The following EHBP1 variants were observed in gnomAD, a reference collection of about 807,000 sequenced individuals.
EHBP1 encodes the protein EH domain binding protein 1.
In EHBP1, 55 loss-of-function variants were observed where a neutral mutation model predicts 144.0. That is an observed-to-expected ratio of 0.38 (90% CI 0.31 to 0.48). The LOEUF (loss-of-function observed/expected upper bound fraction) is 0.48, where lower values mean the gene tolerates loss of function less well. EHBP1 is among the 20% of genes least tolerant of loss of function. The pLI is 0.98. For missense variants in EHBP1, 1,200 were observed against 1,364.2 expected (o/e 0.88, Z 1.90); for synonymous variants, 469 against 472.7 (o/e 0.99, Z 0.10).
rs7588529 is a variant in EHBP1, at chr2:62,878,006, G to A, written c.1185+3474G>A. On this transcript the variant is annotated intron_variant, in intron 10 of 22. Coordinates refer to ENST00000431489, the MANE Select transcript of EHBP1 (RefSeq NM_001142616.3). Reference sequence around the variant, plus strand: ...AATCAGAGCTGAAGTCTATGAAATCGAGGCTTGAAAAACAGTACAAAAAAA... The same window carrying A: ...AATCAGAGCTGAAGTCTATGAAATCAAGGCTTGAAAAACAGTACAAAAAAA... 1.9e-4 allele frequency among the ~76,000 whole-genome samples: 29 copies of A among 152,230 alleles called. No individual in the cohort carries two copies. In the South Asian group the frequency reaches 4.8e-3, roughly 25 times the overall value.
chr2:62,714,668 T>G (rs150540559), intron 2 of EHBP1, among the ~76,000 whole-genome samples: 1 of 152,330 alleles, frequency 6.6e-6, no homozygotes, highest in East Asian at 1.9e-4. Context: ...CCCATTGTTG[T>G]TATTATTTTT....
chr2:62,975,835 G>A (rs1378488806), intron 14 of EHBP1, among the ~76,000 whole-genome samples: 5 of 150,954 alleles, frequency 3.3e-5, no homozygotes, highest in Non-Finnish European at 5.9e-5. Flanking sequence ...TCAAGGCTGC[G>A]GTGAGCTGTG....
intron 5 of EHBP1, among the ~76,000 whole-genome samples, chr2:62,801,619 T>C (rs1182109847): frequency 6.6e-6 from 1 of 152,248 alleles, no homozygotes; most frequent in Non-Finnish European, 1.5e-5. Flanking sequence ...TTAATTTTTT[T>C]ATACAACTCT....
chr2:62,721,766 G>C (rs2151934086), intron 2 of EHBP1, among the ~76,000 whole-genome samples: 1 of 151,986 alleles, frequency 6.6e-6, no homozygotes, highest in South Asian at 2.1e-4. Context: ...TATTTATTCA[G>C]TTATTTATTC....
chr2:62,713,928 G>T (rs978253925), intron 2 of EHBP1, among the ~76,000 whole-genome samples: 6 of 152,088 alleles, frequency 3.9e-5, no homozygotes, highest in African/African-American at 1.4e-4. Context: ...AAATTCAATT[G>T]TGGTGGGTTC....
intron 10 of EHBP1, among the ~76,000 whole-genome samples, chr2:62,886,944 T>A (rs2051980786): frequency 6.6e-6 from 1 of 152,214 alleles, no homozygotes; most frequent in Admixed American, 6.5e-5. Flanking sequence ...TTAGTTGGAA[T>A]TAGGATTTTC....
rs186823748 is a variant in EHBP1 at position 62,929,242 on chromosome 2, A to G, written c.1186-13476A>G. 2.8e-4 allele frequency among the ~76,000 whole-genome samples: 43 copies of G among 152,328 alleles called. No homozygotes were observed. The East Asian group carries it at 7.7e-3, about 27-fold the overall frequency. On this transcript the variant is annotated intron_variant, in intron 10 of 22. Coordinates refer to ENST00000431489, the MANE Select transcript of EHBP1 (RefSeq NM_001142616.3). ...CCTTACCTCATTATTTGAGGCCAGC[A>G]TTATCCTGATACCAAAGCCAGACAA... is the stretch of plus-strand genomic sequence containing the variant.
intron 19 of EHBP1, among the ~76,000 whole-genome samples, chr2:63,031,731 C>T (rs759458180): frequency 6.6e-6 from 1 of 152,108 alleles, no homozygotes; most frequent in Non-Finnish European, 1.5e-5. Context: ...CAGTGTGAGA[C>T]CAGCCTGGCC....
intron 1 of EHBP1, among the ~76,000 whole-genome samples, chr2:62,688,181 G>A (rs551838405): frequency 5.3e-5 from 8 of 152,198 alleles, no homozygotes; most frequent in Admixed American, 2.0e-4. Flanking sequence ...TGTAAAAATT[G>A]GATATTTCCA....
At chr2:62,956,527 C>T (rs993021484) in intron 14 of EHBP1, among the ~76,000 whole-genome samples, 1 of 152,030 alleles carries the variant, frequency 6.6e-6, no homozygotes, top group Admixed American at 6.6e-5. Flanking sequence ...CCCACCCTTC[C>T]TCTTTCAAGT....
intron 5 of EHBP1, among the ~76,000 whole-genome samples, chr2:62,776,101 G>A (rs1252612233): frequency 6.6e-6 from 1 of 152,120 alleles, no homozygotes; most frequent in Non-Finnish European, 1.5e-5. Context: ...ATTATAAAAT[G>A]GAATTCTAGA....
chr2:62,718,908 C>G (rs1420690516), intron 2 of EHBP1, among the ~76,000 whole-genome samples: 1 of 151,702 alleles, frequency 6.6e-6, no homozygotes, highest in Non-Finnish European at 1.5e-5. Context: ...CATTTAAAGA[C>G]AAGACTGGTT....
intron 10 of EHBP1, among the ~76,000 whole-genome samples, chr2:62,901,493 A>G (rs1220233863): frequency 1.3e-5 from 2 of 152,130 alleles, no homozygotes; most frequent in Non-Finnish European, 2.9e-5. Flanking sequence ...ACGATAATTT[A>G]GCTTCATTTG....
Position 62,955,593 on chromosome 2 carries a change from C to T in EHBP1, c.2393C>T (p.Ala798Val). The change falls in exon 14 of 23, where the codon GCC becomes GTC. Residue 798 changes from alanine (A) to valine (V), a missense_variant. Around this residue, in one of 6 missense-constraint regions of EHBP1, gnomAD observed 543 missense variants for 513.1 expected, o/e 1.06. Coordinates refer to ENST00000431489, the MANE Select transcript of EHBP1 (RefSeq NM_001142616.3). Reference protein sequence around the residue: ...VLLEQARRDAALKAGNKHNTN... With the variant: ...VLLEQARRDAVLKAGNKHNTN... ...CTTGAGCAAGCAAGAAGAGATGCAGCCTTAAAGGCGGGGAATAAGCACAAT... is the reference window on the plus strand; with the variant it reads ...CTTGAGCAAGCAAGAAGAGATGCAGTCTTAAAGGCGGGGAATAAGCACAAT... 1.2e-6 allele frequency: 2 copies of T among 1,612,558 alleles called. No individual in the cohort carries two copies. The highest frequency in any genetic ancestry group is 1.7e-5 in the Admixed American group (1 of 59,854).
At chr2:63,022,236 G>T (rs921207309) in intron 19 of EHBP1, among the ~76,000 whole-genome samples, 1 of 151,936 alleles carries the variant, frequency 6.6e-6, no homozygotes, top group African/African-American at 2.4e-5. Context: ...CACATCATTG[G>T]CCATTCTATT....
chr2:62,929,330 G>A (rs554047731), intron 10 of EHBP1, among the ~76,000 whole-genome samples: 1 of 152,204 alleles, frequency 6.6e-6, no homozygotes, highest in South Asian at 2.1e-4. Flanking sequence ...AATCCTCAAT[G>A]TCATACTAGC....
intron 6 of EHBP1, among the ~76,000 whole-genome samples, chr2:62,828,715 C>T (rs1033972482): frequency 3.9e-5 from 6 of 152,160 alleles, no homozygotes; most frequent in Non-Finnish European, 8.8e-5. Flanking sequence ...TGTTCTAATT[C>T]CTTTGGGCAG....
intron 14 of EHBP1, among the ~76,000 whole-genome samples, chr2:62,968,365 T>C (rs898549686): frequency 3.9e-5 from 6 of 152,060 alleles, no homozygotes; most frequent in African/African-American, 1.2e-4. Context: ...CAAATACCAA[T>C]AGAGTATGTC....
chr2:62,895,277 C>CGA (rs2052806436), intron 10 of EHBP1, among the ~76,000 whole-genome samples: 1 of 131,296 alleles, frequency 7.6e-6, no homozygotes, highest in South Asian at 2.4e-4. Flanking sequence ...TATGTAAATT[C>CGA]TATCATCATC....
Sources: gnomAD v4.1 joint callset for allele counts (sites outside exome capture counted in the v4.1 genomes callset) on GRCh38, gnomAD v4.1.1 for gene constraint, gnomAD v4.1.1 regional missense constraint, MANE v1.5 for transcripts, NCBI Gene and HGNC (gene_info 2026-07-23, HGNC 2026-07-21) for gene names.